Variants in COL28A1 observed in about 807,000 individuals in gnomAD.
COL28A1 encodes collagen alpha-1(XXVIII) chain.
COL28A1 carries 161 observed loss-of-function variants against 150.2 expected under a neutral mutation model. The observed-to-expected ratio is 1.07, with a 90% CI of 0.94 to 1.22. The LOEUF is 1.22. Ranked by LOEUF, COL28A1 falls within the 50% of genes most tolerant of loss-of-function variation. COL28A1 has a pLI of 0.00. For synonymous variants in COL28A1, 552 were observed against 469.7 expected, an observed-to-expected ratio of 1.18 and a Z score of -2.26; for missense variants, 1,617 against 1,388.3, an observed-to-expected ratio of 1.16 and a Z score of -2.62.
intron 30 of COL28A1, among the ~76,000 whole-genome samples, chr7:7,378,336 T>C (rs1014995533): frequency 2.6e-5 from 4 of 152,202 alleles, no homozygotes; most frequent in South Asian, 4.1e-4. Context: ...CACTGTACTA[T>C]AGAATTAGCC....
chr7:7,522,007 A>G, intron 4 of COL28A1, 46 bp from the exon 5 acceptor site: 1 of 848,100 alleles, frequency 1.2e-6, no homozygotes, highest in South Asian at 1.3e-5. Flanking sequence ...TGAAATTCAA[A>G]TTGTATGCAG....
chr7:7,410,929 G>A (rs1326165961), intron 27 of COL28A1, among the ~76,000 whole-genome samples: 2 of 151,980 alleles, frequency 1.3e-5, no homozygotes, highest in Non-Finnish European at 2.9e-5. Context: ...AAATTTCAAC[G>A]AATAAATCGT....
intron 21 of COL28A1, among the ~76,000 whole-genome samples, chr7:7,438,442 T>C (rs560943158): frequency 1.3e-5 from 2 of 152,174 alleles, no homozygotes; most frequent in South Asian, 2.1e-4. Flanking sequence ...TCAGGAAAGT[T>C]TGGTAATGCA....
chr7:7,435,415 G>T (rs774430597), intron 23 of COL28A1, among the ~76,000 whole-genome samples: 3 of 152,186 alleles, frequency 2.0e-5, no homozygotes, highest in African/African-American at 4.8e-5. Flanking sequence ...GGATCTGTGG[G>T]AAGTAGACGA....
Position 7,476,886 on chromosome 7 carries a change from T to C in COL28A1, c.1233+226A>G, listed in dbSNP as rs553338400. Among the ~76,000 whole-genome samples, 144 of 152,368 alleles carry C rather than the reference T, an allele frequency of 9.5e-4. 1 individual carries two copies. Among genetic ancestry groups the C allele is most frequent in the African/African-American group, 3.2e-3 (133 of 41,600 alleles). ...TTTAAGAGATTTTTCTAATTTCATA[T>C]GTAGTAATTACATGAAGTAGAAGTC... On this transcript the variant is annotated intron_variant, in intron 14 of 34. Transcript: ENST00000399429.
upstream of COL28A1, among the ~76,000 whole-genome samples, chr7:7,537,238 G>A (rs188187854): frequency 6.5e-3 from 996 of 152,234 alleles, 5 homozygotes; most frequent in South Asian, 8.1e-3. Flanking sequence ...TACTGTCAAA[G>A]GGCACTCATA....
chr7:7,343,585 T>C, the COL28A1 span, among the ~76,000 whole-genome samples: 2,478 of 152,294 alleles, frequency 0.016, 65 homozygotes, highest in African/African-American at 0.055. Context: ...ATATAAGTTT[T>C]GGCAAATAAA....
chr7:7,447,525 T>C (rs74846239), intron 18 of COL28A1, among the ~76,000 whole-genome samples: 32,126 of 151,820 alleles, frequency 0.21, 4,659 homozygotes, highest in African/African-American at 0.41. Context: ...TTGAAACTTA[T>C]CCAGAAATAA....
chr7:7,495,681 C>G (rs916833523), intron 11 of COL28A1, among the ~76,000 whole-genome samples: 1 of 152,034 alleles, frequency 6.6e-6, no homozygotes, highest in Admixed American at 6.5e-5. Context: ...AAATATCTCT[C>G]AAATCCATCC....
At position 7,452,343 on chromosome 7, in the gene COL28A1, C is replaced by T. The variant is rs955764997; in HGVS notation, c.1485G>A (p.Val495=). The T allele has an allele frequency of 2.5e-6, 4 of 1,606,602 alleles. No individual in the cohort carries two copies. Among genetic ancestry groups the T allele is most frequent in the Non-Finnish European group, 3.4e-6 (4 of 1,178,354 alleles). ...QMGPTGPRGP[V]GIGVQGPKGE... is the part of the protein sequence containing the mutation. Reference sequence around the variant, plus strand: ...CCTTTGGACCTTGTACTCCAATTCCCACTGGTCCTCGAGGGCCTGTAGGTC... The same window carrying T: ...CCTTTGGACCTTGTACTCCAATTCCTACTGGTCCTCGAGGGCCTGTAGGTC... The change falls in exon 18 of 35, where the codon GTG becomes GTA. Residue 495 remains valine, a synonymous_variant. Coordinates refer to ENST00000399429, the MANE Select transcript of COL28A1 (RefSeq NM_001037763.3).
chr7:7,345,396 AC>A, the COL28A1 span, among the ~76,000 whole-genome samples: 1 of 152,056 alleles, frequency 6.6e-6, no homozygotes, highest in African/African-American at 2.4e-5. Context: ...AAGATCCTGT[AC>A]TACTTGTATA....
intron 3 of COL28A1, among the ~76,000 whole-genome samples, chr7:7,528,169 T>G (rs185625906): frequency 7.6e-4 from 116 of 152,294 alleles, no homozygotes; most frequent in African/African-American, 2.6e-3. Flanking sequence ...GTCACAACCC[T>G]TATTTCCATA....
chr7:7,504,317 C>T (rs911328291), intron 11 of COL28A1, among the ~76,000 whole-genome samples: 2 of 151,798 alleles, frequency 1.3e-5, no homozygotes, highest in African/African-American at 2.4e-5. Flanking sequence ...GGCAACAAAG[C>T]GAGAGCCCAT....
chr7:7,435,940 C>T (rs1484600280), intron 23 of COL28A1, among the ~76,000 whole-genome samples: 2 of 152,132 alleles, frequency 1.3e-5, no homozygotes, highest in Non-Finnish European at 2.9e-5. Flanking sequence ...CATGAAAAAC[C>T]AGATATGATT....
rs546377097 is a variant in COL28A1 at position 7,388,718 on chromosome 7, A to G, written c.2137-7106T>C. Among the ~76,000 whole-genome samples, 423 of 152,288 alleles carry G rather than the reference A, an allele frequency of 2.8e-3. 4 individuals are homozygous for G. Among genetic ancestry groups the G allele is most frequent in the African/African-American group, 9.8e-3 (407 of 41,550 alleles). On this transcript the variant is annotated intron_variant, in intron 27 of 34. Coordinates refer to ENST00000399429, the MANE Select transcript of COL28A1 (RefSeq NM_001037763.3). ...GCCATTCTAACTGGTGTGAGATGGT[A>G]TCTCATTGTGGTTTTGATTGGCATT...
At chr7:7,424,118 A>C (rs1784526102) in intron 25 of COL28A1, among the ~76,000 whole-genome samples, 1 of 152,198 alleles carries the variant, frequency 6.6e-6, no homozygotes, top group African/African-American at 2.4e-5. Context: ...TGCTTTTGTG[A>C]ATCTAATAGA....
At chr7:7,413,576 C>G (rs576583237) in intron 27 of COL28A1, among the ~76,000 whole-genome samples, 1 of 152,174 alleles carries the variant, frequency 6.6e-6, no homozygotes, top group East Asian at 1.9e-4. Flanking sequence ...AGCAGGTATA[C>G]CCCTTCTACA....
chr7:7,404,820 C>T (rs1164609021), intron 27 of COL28A1, among the ~76,000 whole-genome samples: 2 of 152,114 alleles, frequency 1.3e-5, no homozygotes, highest in African/African-American at 4.8e-5. Flanking sequence ...GCTTATGATA[C>T]ATCCCAAGCA....
intron 13 of COL28A1, among the ~76,000 whole-genome samples, chr7:7,485,088 C>G (rs1779550730): frequency 6.6e-6 from 1 of 151,936 alleles, no homozygotes; most frequent in African/African-American, 2.4e-5. Flanking sequence ...TGCAATTTAC[C>G]TATATAACAA....
Sources: allele counts gnomAD v4.1 joint callset (sites outside exome capture counted in the v4.1 genomes callset), GRCh38; gene constraint gnomAD v4.1.1; transcripts MANE v1.5; gene names NCBI Gene and HGNC (gene_info 2026-07-23, HGNC 2026-07-21).